The following TRABD2A variants were observed in gnomAD, a reference collection of about 807,000 sequenced individuals.
TRABD2A encodes TraB domain containing 2A.
In TRABD2A, 43 loss-of-function variants were observed where a neutral mutation model predicts 45.6. That is an observed-to-expected ratio of 0.94 (90% confidence interval 0.74 to 1.22). TRABD2A has a LOEUF of 1.22. Ranked by LOEUF, TRABD2A falls within the 50% of genes most tolerant of loss-of-function variation. TRABD2A has a pLI of 0.00. For synonymous variants in TRABD2A, 269 were observed against 265.0 expected, an observed-to-expected ratio of 1.02 and a Z score of -0.15; for missense variants, 642 against 652.4, an observed-to-expected ratio of 0.98 and a Z score of 0.17.
intron 2 of TRABD2A, among the ~76,000 whole-genome samples, chr2:84,861,802 G>A (rs1335903960): frequency 2.6e-5 from 4 of 152,192 alleles, no homozygotes; most frequent in Non-Finnish European, 5.9e-5. Flanking sequence ...CAAAGCACCC[G>A]CAAGAGCAGA....
At chr2:84,879,701 C>A (rs1299044770) in intron 1 of TRABD2A, 1 of 693,812 alleles carries the variant, frequency 1.4e-6, no homozygotes, top group Non-Finnish European at 1.8e-6. Context: ...GCGGCCACAC[C>A]GCAACAGAGT....
In TRABD2A at chr2:84,841,845, G is replaced by T; in HGVS notation, c.816+16C>A. On this transcript the variant is annotated intron_variant, in intron 3 of 6. Coordinates refer to ENST00000409520, the MANE Select transcript of TRABD2A (RefSeq NM_001277053.2). ...TTAAATGTGTGCTGAGCTTGGCAGG[G>T]GGAAAGGGTGCTCACCTGGGAGCTG... 6.6e-7 allele frequency: 1 copy of T among 1,508,100 alleles called. No individual in the cohort carries two copies. Among genetic ancestry groups the T allele is most frequent in the South Asian group, 1.3e-5 (1 of 76,744 alleles). 93.4% of individuals were successfully genotyped at this position (1,508,100 alleles called of 1,614,324 possible).
intron 2 of TRABD2A, chr2:84,843,699 A>T (rs1438750976): frequency 2.6e-5 from 4 of 152,164 alleles, no homozygotes; most frequent in African/African-American, 9.7e-5. Flanking sequence ...CACCTCTTTT[A>T]TTAGGGCCTT....
At chr2:84,832,006 C>G (rs1681353824) in intron 5 of TRABD2A, 49 bp downstream of exon 5, 2 of 1,601,600 alleles carry the variant, frequency 1.2e-6, no homozygotes, top group Admixed American at 1.7e-5. Context: ...CCAGGCAGCC[C>G]CATGAGGGTC....
At chr2:84,862,247 C>G (rs1329436532) in intron 2 of TRABD2A, among the ~76,000 whole-genome samples, 1 of 152,236 alleles carries the variant, frequency 6.6e-6, no homozygotes, top group Non-Finnish European at 1.5e-5. Context: ...CTCAACTACC[C>G]CTACCTGGCA....
At position 84,822,032 on chromosome 2, in the gene TRABD2A, C is replaced by T. The variant is rs772631869; in HGVS notation, c.1403G>A (p.Arg468His). ...RHISTELRLP[R>H]RGHSHHSQMV... ...CTGGCTGTGGTGGGAATGCCCACGG[C>T]GAGGGAGCCGCAGTTCAGTGGAGAT... The change falls in exon 7 of 7, where the codon CGC becomes CAC. Residue 468 changes from arginine (R) to histidine (H), a missense_variant. Coordinates refer to ENST00000409520, the MANE Select transcript of TRABD2A (RefSeq NM_001277053.2). 6.3e-6 allele frequency: 10 copies of T among 1,591,798 alleles called. No homozygotes were observed. Among genetic ancestry groups the T allele is most frequent in the African/African-American group, 1.3e-5 (1 of 74,468 alleles).
chr2:84,858,142 A>G (rs1009568), intron 2 of TRABD2A, among the ~76,000 whole-genome samples: 25,847 of 151,926 alleles, frequency 0.17, 2,573 homozygotes, highest in African/African-American at 0.28. Context: ...GCCTCCCAAA[A>G]TGCTAGGATT....
intron 5 of TRABD2A, 112 bp downstream of exon 5, chr2:84,831,943 T>C: frequency 9.7e-7 from 1 of 1,030,794 alleles, no homozygotes; most frequent in Non-Finnish European, 1.5e-6. Context: ...GTGGGGGAAA[T>C]GACGAGGCAG....
At chr2:84,874,039 G>A (rs1381645750) in intron 1 of TRABD2A, among the ~76,000 whole-genome samples, 1 of 152,082 alleles carries the variant, frequency 6.6e-6, no homozygotes, top group Non-Finnish European at 1.5e-5. Context: ...ATAATGGAGG[G>A]GTGGGGTTCG....
intron 4 of TRABD2A, chr2:84,834,449 CAT>C (rs1681436425): frequency 6.6e-6 from 1 of 152,232 alleles, no homozygotes; most frequent in African/African-American, 2.4e-5. Context: ...ATTCACATAA[CAT>C]AAAATTCATC....
intron 2 of TRABD2A, among the ~76,000 whole-genome samples, chr2:84,848,395 C>T (rs556315174): frequency 1.4e-5 from 2 of 146,398 alleles, no homozygotes; most frequent in African/African-American, 5.4e-5. Flanking sequence ...GACAGACAGA[C>T]AGACAGACAG....
chr2:84,862,612 C>A (rs1405219290), intron 2 of TRABD2A, among the ~76,000 whole-genome samples: 1 of 152,044 alleles, frequency 6.6e-6, no homozygotes, highest in Non-Finnish European at 1.5e-5. Context: ...AATACCTATT[C>A]TTGGTTTTTT....
intron 3 of TRABD2A, among the ~76,000 whole-genome samples, chr2:84,841,263 T>G (rs1469250596): frequency 6.6e-6 from 1 of 152,196 alleles, no homozygotes; most frequent in Non-Finnish European, 1.5e-5. Flanking sequence ...ACCATGATCT[T>G]CTGAGGCTGA....
At chr2:84,843,594 G>T in intron 2 of TRABD2A, 1 of 152,738 alleles carries the variant, frequency 6.5e-6, no homozygotes, top group South Asian at 2.0e-4. Flanking sequence ...GGAAGTCCGA[G>T]ATCAAGGCAC....
chr2:84,823,876 C>A, intron 6 of TRABD2A, 77 bp downstream of exon 6: 1 of 1,559,092 alleles, frequency 6.4e-7, no homozygotes, highest in Non-Finnish European at 8.7e-7. Flanking sequence ...CCCATTGCAA[C>A]CAGTGTGAGG....
At chr2:84,827,682 CTTAAG>C (rs1474016546) in intron 5 of TRABD2A, among the ~76,000 whole-genome samples, 7 of 152,250 alleles carry the variant, frequency 4.6e-5, no homozygotes, top group Non-Finnish European at 7.4e-5. Flanking sequence ...AGTTAAGGAC[CTTAAG>C]TTGAGGAGAG....
rs769712825 is a variant in TRABD2A at position 84,824,121 on chromosome 2, G to T, written c.1166C>A (p.Pro389Gln). 1 of 1,613,976 alleles carries T rather than the reference G, an allele frequency of 6.2e-7. No individual in the cohort carries two copies. Among genetic ancestry groups the T allele is most frequent in the Non-Finnish European group, 8.5e-7 (1 of 1,179,870 alleles). Residue 389 changes from proline to glutamine, a missense_variant, in exon 6 of 7, where the codon CCA becomes CAA. By Grantham distance (76) the Pro-to-Gln change is moderately conservative. Coordinates refer to ENST00000409520, the MANE Select transcript of TRABD2A (RefSeq NM_001277053.2). ...PKVPTLEVPA[P>Q]EAVSSGHSTL... ...TGAGTGCCCTGAGGATACGGCTTCTGGTGCCGGTACTTCCAGGGTAGGGAC... is the reference window on the plus strand; with the variant it reads ...TGAGTGCCCTGAGGATACGGCTTCTTGTGCCGGTACTTCCAGGGTAGGGAC...
At chr2:84,845,236 AGCTACTT>A (rs1394049558) in intron 2 of TRABD2A, among the ~76,000 whole-genome samples, 1 of 152,202 alleles carries the variant, frequency 6.6e-6, no homozygotes, top group Non-Finnish European at 1.5e-5. Flanking sequence ...CTGTAATCCC[AGCTACTT>A]GGGAGGCTGA....
At chr2:84,871,066 C>T (rs1019701631) in intron 1 of TRABD2A, among the ~76,000 whole-genome samples, 1 of 152,156 alleles carries the variant, frequency 6.6e-6, no homozygotes, top group African/African-American at 2.4e-5. Context: ...GTCCTACCTC[C>T]AGACATTCTG....
Sources: allele counts gnomAD v4.1 joint callset (sites outside exome capture counted in the v4.1 genomes callset), GRCh38; gene constraint gnomAD v4.1.1; transcripts MANE v1.5; gene names NCBI Gene and HGNC (gene_info 2026-07-23, HGNC 2026-07-21).